KIF21A: variants seen among roughly 807,000 people sequenced by gnomAD.
KIF21A encodes the protein kinesin family member 21A.
In KIF21A, 114 loss-of-function variants were observed where a neutral mutation model predicts 202.9. The observed-to-expected ratio is 0.56, with a 90% CI of 0.48 to 0.66. The LOEUF is 0.66. KIF21A is among the 30% of genes least tolerant of loss of function. The pLI, the probability that KIF21A is intolerant of heterozygous loss-of-function variation, is 0.00. For synonymous variants in KIF21A, 667 were observed against 670.8 expected (o/e 0.99, Z 0.09); for missense variants, 1,677 against 1,994.9 (o/e 0.84, Z 3.04).
chr12:39,432,940 T>C (rs571345753), intron 1 of KIF21A, among the ~76,000 whole-genome samples: 37 of 152,224 alleles, frequency 2.4e-4, no homozygotes, highest in African/African-American at 8.4e-4. Flanking sequence ...TGCTATGTGT[T>C]AGAGGGGTAA....
In KIF21A at chr12:39,311,412, A is replaced by C. The variant is rs779387242; in HGVS notation, c.4096+5T>G. On this transcript the variant is annotated splice_donor_5th_base_variant and intron_variant, in intron 32 of 37. Transcript: ENST00000361418. ...TAAATATCTGCATTAGATAACTACT[A>C]GCACCTTTTGATCCAGTGAAGAGGA... The C allele has an allele frequency of 1.2e-6, 2 of 1,612,392 alleles. No individual in the cohort carries two copies. Among genetic ancestry groups the C allele is most frequent in the Non-Finnish European group, 1.7e-6 (2 of 1,178,654 alleles).
rs1166636549 is a variant in KIF21A at position 39,307,559 on chromosome 12, A to G, written c.4442+6T>C. On this transcript the variant is annotated splice_donor_region_variant and intron_variant, in intron 34 of 37. Coordinates refer to ENST00000361418, the MANE Select transcript of KIF21A (RefSeq NM_001173464.2). ...GCAAGAGGTATGTTTTCTTAAAAATATCTACCTTTTAAGATCCCACATCCT... is the reference window on the plus strand; with the variant it reads ...GCAAGAGGTATGTTTTCTTAAAAATGTCTACCTTTTAAGATCCCACATCCT... The G allele has an allele frequency of 1.2e-6, 2 of 1,613,404 alleles. No individual in the cohort carries two copies. Among genetic ancestry groups the G allele is most frequent in the Non-Finnish European group, 1.7e-6 (2 of 1,179,332 alleles).
At chr12:39,355,997 C>T (rs1435215649) in intron 10 of KIF21A, among the ~76,000 whole-genome samples, 1 of 151,878 alleles carries the variant, frequency 6.6e-6, no homozygotes, top group Non-Finnish European at 1.5e-5. Context: ...GATCTCCTCC[C>T]GTTTGCTTAT....
chr12:39,337,850 C>A (rs1031404539), intron 16 of KIF21A, among the ~76,000 whole-genome samples: 1 of 152,044 alleles, frequency 6.6e-6, no homozygotes, highest in South Asian at 2.1e-4. Flanking sequence ...AGCACTACAC[C>A]CGTTTGCAGT....
chr12:39,429,035 A>ATG (rs1182902216), intron 1 of KIF21A, among the ~76,000 whole-genome samples: 2 of 151,958 alleles, frequency 1.3e-5, no homozygotes, highest in Non-Finnish European at 2.9e-5. Flanking sequence ...AATATAAAGT[A>ATG]TGTGTGTGTG....
In KIF21A at chr12:39,332,713, G is replaced by A. The variant is rs749918204; in HGVS notation, c.2734C>T (p.Arg912Ter). Residue 912 changes from arginine (R) to a stop codon, truncating the protein, a stop_gained, in exon 20 of 38, where the codon CGA (arginine) becomes TGA (stop). Transcript: ENST00000361418. LOFTEE classifies it high-confidence loss of function. ...KKYQRKGLTG[R>*]VFISKTARMK... Reference sequence around the variant, plus strand: ...CGAGCTGTCTTGGAAATAAACACTCGGCCAGTCAATCCTTTCCTCTGATAT... The same window carrying A: ...CGAGCTGTCTTGGAAATAAACACTCAGCCAGTCAATCCTTTCCTCTGATAT... The A allele has an allele frequency of 4.3e-6, 7 of 1,613,792 alleles. No individual in the cohort carries two copies. Among genetic ancestry groups the A allele is most frequent in the Admixed American group, 3.3e-5 (2 of 59,982 alleles).
intron 1 of KIF21A, among the ~76,000 whole-genome samples, chr12:39,401,175 T>C (rs1266319625): frequency 1.3e-5 from 2 of 151,948 alleles, no homozygotes; most frequent in African/African-American, 4.8e-5. Flanking sequence ...CAAAAGAGAA[T>C]CATAAGTGCT....
At chr12:39,342,287 T>C (rs1262101180) in intron 12 of KIF21A, among the ~76,000 whole-genome samples, 163 bp from the exon 13 acceptor site, 1 of 152,222 alleles carries the variant, frequency 6.6e-6, no homozygotes, top group East Asian at 1.9e-4. Context: ...CAGAGAAAAA[T>C]GGAAATTGCC....
intron 1 of KIF21A, among the ~76,000 whole-genome samples, chr12:39,396,039 A>AG (rs1951728557): frequency 1.3e-5 from 2 of 152,096 alleles, no homozygotes; most frequent in African/African-American, 4.8e-5. Context: ...CCTCCCGCTT[A>AG]GGGGGAGGCA....
At chr12:39,356,484 G>GGACGCCGT in intron 10 of KIF21A, 1 of 184,556 alleles carries the variant, frequency 5.4e-6, no homozygotes, top group Non-Finnish European at 1.1e-5. Flanking sequence ...TGTAGATATT[G>GGACGCCGT]ATCTATTCCC....
In KIF21A at chr12:39,432,571, G is replaced by A. The variant is rs1459483911; in HGVS notation, c.44+10356C>T. Among the ~76,000 whole-genome samples the A allele has an allele frequency of 2.0e-5, 3 of 151,282 alleles. No homozygotes were observed. In the East Asian group the frequency reaches 5.8e-4, roughly 29 times the overall value. ...TAAAGCAGATGGTGTATAATATTTA[G>A]CATGTTACTCAAAATGCCCTTCCTT... On this transcript the variant is annotated intron_variant, in intron 1 of 37. Transcript: ENST00000361418.
chr12:39,420,621 T>C (rs1171260301), intron 1 of KIF21A, among the ~76,000 whole-genome samples: 2 of 152,092 alleles, frequency 1.3e-5, no homozygotes, highest in African/African-American at 4.8e-5. Context: ...TTTCCCACTG[T>C]AGGTCATTAA....
intron 1 of KIF21A, among the ~76,000 whole-genome samples, chr12:39,416,737 GTA>G (rs765759023): frequency 0.012 from 912 of 73,912 alleles, 106 homozygotes; most frequent in African/African-American, 0.067. Flanking sequence ...ATATATATGT[GTA>G]TATATATATG....
rs767268089 is a variant in KIF21A, at chr12:39,318,092, T to C, written c.3889A>G (p.Thr1297Ala). 2 of 1,613,278 alleles carry C rather than the reference T, an allele frequency of 1.2e-6. No homozygotes were observed. The highest frequency in any genetic ancestry group is 1.7e-6 in the Non-Finnish European group (2 of 1,179,304). ...ACTTACTTATCCTGCTGAACTGATG[T>C]GTTTCCCTGAGAAACAGTAAGACGA... ...FNRLTVSQGN[T>A]SVQQDKSDES... Residue 1297 changes from threonine to alanine, a missense_variant, in exon 29 of 38, where the codon ACA (threonine) becomes GCA (alanine). Around this residue, in one of 3 missense-constraint regions of KIF21A, gnomAD observed 705 missense variants for 791.9 expected, o/e 0.89. Transcript: ENST00000361418.
At chr12:39,392,027 C>T (rs571238981) in intron 1 of KIF21A, among the ~76,000 whole-genome samples, 1 of 152,150 alleles carries the variant, frequency 6.6e-6, no homozygotes, top group South Asian at 2.1e-4. Context: ...AATGAGCCAC[C>T]GCACCCAGCC....
intron 1 of KIF21A, among the ~76,000 whole-genome samples, chr12:39,416,175 A>C (rs1953566969): frequency 6.6e-6 from 1 of 152,188 alleles, no homozygotes; most frequent in Admixed American, 6.5e-5. Flanking sequence ...GAGATGAAAA[A>C]AATCAAAAAG....
Position 39,442,858 on chromosome 12 carries a change from G to T in KIF21A, c.44+69C>A. 9 of 1,503,498 alleles carry T rather than the reference G, an allele frequency of 6.0e-6. No homozygotes were observed. In the South Asian group the frequency reaches 1.1e-4, roughly 18 times the overall value. The allele number at this position is 1,503,498 out of a possible 1,614,324, so 93.1% of individuals were successfully genotyped here. ...TCCACCCCGGTAGCCGGTGCTCCGC[G>T]CCACAGCCAGGTCCTTGCCGCGCCC... On this transcript the variant is annotated intron_variant, in intron 1 of 37. Transcript: ENST00000361418. This position sits in a 1 kb window ranked among gnomAD's most constrained non-coding sequence, Gnocchi z 5.0.
rs755633872 is a variant in KIF21A, at chr12:39,351,913, T to C, written c.1537A>G (p.Arg513Gly). 4.3e-6 allele frequency: 7 copies of C among 1,613,394 alleles called. No individual in the cohort carries two copies. In the Admixed American group the frequency reaches 1.2e-4, roughly 27 times the overall value. The change falls in exon 11 of 38, where the codon AGA becomes GGA. Residue 513 changes from arginine (R) to glycine (G), a missense_variant. Coordinates refer to ENST00000361418, the MANE Select transcript of KIF21A (RefSeq NM_001173464.2). ...GATGATCCGCTGAAATATGGCGCTC[T>C]TGCTGTGGCTCTTGTCAAGTTTTTT... ...LRKNLTRATA[R>G]APYFSGSSTF...
intron 1 of KIF21A, among the ~76,000 whole-genome samples, chr12:39,422,153 G>A (rs912376681): frequency 1.3e-5 from 2 of 151,182 alleles, no homozygotes; most frequent in African/African-American, 4.9e-5. Context: ...AATAGAGAGG[G>A]TTTCATTACG....
Sources: gnomAD v4.1 joint callset for allele counts (sites outside exome capture counted in the v4.1 genomes callset) on GRCh38, gnomAD v4.1.1 for gene constraint, gnomAD v4.1.1 regional missense constraint, Gnocchi (gnomAD v3.1) non-coding constraint, MANE v1.5 for transcripts, NCBI Gene and HGNC (gene_info 2026-07-23, HGNC 2026-07-21) for gene names.